SPEG: variants seen among roughly 807,000 people sequenced by gnomAD.
The protein encoded by SPEG is striated muscle enriched protein kinase.
In SPEG, 114 loss-of-function variants were observed where a neutral mutation model predicts 300.4. The observed-to-expected ratio is 0.38, with a 90% CI of 0.33 to 0.44. The LOEUF (loss-of-function observed/expected upper bound fraction) is 0.44. Ranked by LOEUF, SPEG falls within the 20% of genes least tolerant of loss-of-function variation. The pLI is 1.00. For synonymous variants in SPEG, 1,964 were observed against 2,018.9 expected (o/e 0.97, Z 0.73); for missense variants, 4,201 against 4,586.2 (o/e 0.92, Z 2.43).
chr2:219,473,245 C>G lies in SPEG; in HGVS notation c.4147+149C>G, dbSNP rs1219311364. On this transcript the variant is annotated intron_variant, in intron 16 of 40. Coordinates refer to ENST00000312358, the MANE Select transcript of SPEG (RefSeq NM_005876.5). This position sits in a 1 kb window ranked among gnomAD's most constrained non-coding sequence, Gnocchi z 4.6. ...GGACCTTGGCCCATCTGTACACTTC[C>G]TTCTCCCTCCTGAAAGCAGCAGGGC... The G allele has an allele frequency of 1.2e-6, 1 of 815,498 alleles. No homozygotes were observed. The highest frequency in any genetic ancestry group is 1.9e-6 in the Non-Finnish European group (1 of 525,128). The allele number at this position is 815,498 out of a possible 1,614,324, so 50.5% of individuals were successfully genotyped here. A position where few individuals can be genotyped will look rare whatever the true frequency, so the allele number is the denominator to read the frequency against.
chr2:219,482,092 A>G (rs3731908), intron 28 of SPEG: 149,283 of 231,330 alleles, frequency 0.65, 51,732 homozygotes, highest in East Asian at 0.77. Flanking sequence ...GCTTCATGTG[A>G]GCAGGTTCTC....
chr2:219,448,462 C>G lies in SPEG; in HGVS notation c.1304C>G (p.Ser435Cys). 1 of 1,501,638 alleles carries G rather than the reference C, an allele frequency of 6.7e-7. No individual in the cohort carries two copies. The highest frequency in any genetic ancestry group is 8.8e-7 in the Non-Finnish European group (1 of 1,134,714). 93.0% of individuals were successfully genotyped at this position (1,501,638 alleles called of 1,614,324 possible). A position where few individuals can be genotyped will look rare whatever the true frequency, so the allele number is the denominator to read the frequency against. The change falls in exon 4 of 41, where the codon TCT becomes TGT. Residue 435 changes from serine to cysteine, a missense_variant. By Grantham distance (112) the Ser-to-Cys change is moderately radical (BLOSUM62 -1). Transcript: ENST00000312358. ...TGGGTGCCCCTGCGCAAGGCCCGCT[C>G]TCTGGAGCAGCCCAAGTCGGAGCGC... is the stretch of plus-strand genomic sequence containing the variant. ...RPWVPLRKAR[S>C]LEQPKSERGA...
chr2:219,476,228 A>G (rs1472571101), intron 18 of SPEG, among the ~76,000 whole-genome samples: 1 of 82,500 alleles, frequency 1.2e-5, no homozygotes, highest in East Asian at 5.6e-4. Flanking sequence ...TTTGGTTAGT[A>G]TTTGGGGGTT....
At chr2:219,485,241 G>C in intron 30 of SPEG, 105 bp from the exon 31 acceptor site, 1 of 1,505,092 alleles carries the variant, frequency 6.6e-7, no homozygotes, top group South Asian at 1.3e-5. Flanking sequence ...CGGCAGGGCT[G>C]GGTGGGCTAG....
Position 219,480,246 on chromosome 2 carries a change from A to C in SPEG, c.5342+106A>C. 7.9e-7 allele frequency: 1 copy of C among 1,272,110 alleles called. No individual in the cohort carries two copies. Among genetic ancestry groups the C allele is most frequent in the Non-Finnish European group, 1.1e-6 (1 of 905,588 alleles). The allele number at this position is 1,272,110 out of a possible 1,614,324, so 78.8% of individuals were successfully genotyped here. On this transcript the variant is annotated intron_variant, in intron 25 of 40. Transcript: ENST00000312358. The surrounding 1 kb of genome is among the most constrained non-coding windows in gnomAD (Gnocchi z 5.3). Reference sequence around the variant, plus strand: ...ATTTACCGAGCCTGAATTCCTCCTGAAGGTGGGCTGGAGGCATTGTTTGCA... The same window carrying C: ...ATTTACCGAGCCTGAATTCCTCCTGCAGGTGGGCTGGAGGCATTGTTTGCA...
chr2:219,446,626 G>A (rs1249142434), intron 3 of SPEG, among the ~76,000 whole-genome samples: 7 of 152,184 alleles, frequency 4.6e-5, no homozygotes, highest in African/African-American at 1.7e-4. Flanking sequence ...AACTGCTCAT[G>A]GCTGGCACCC....
chr2:219,488,742 A>G (rs758486926), intron 33 of SPEG, 36 bp from the exon 34 acceptor site: 6 of 1,612,110 alleles, frequency 3.7e-6, no homozygotes, highest in East Asian at 4.5e-5. Flanking sequence ...TAGCTAGGGT[A>G]TAGGGGCTCA....
In SPEG at chr2:219,483,615, C is replaced by T; in HGVS notation, c.6152C>T (p.Thr2051Ile). Reference sequence around the variant, plus strand: ...CGCCGGAGCCCCAGCCCGGGAGCCACCCGCCTGGCCCGGGGAGGCCTGGGT... The same window carrying T: ...CGCCGGAGCCCCAGCCCGGGAGCCATCCGCCTGGCCCGGGGAGGCCTGGGT... ...PQRRSPSPGA[T>I]RLARGGLGEG... The change falls in exon 30 of 41, where the codon ACC becomes ATC. Residue 2051 changes from threonine (T) to isoleucine (I), a missense_variant. Thr to Ile is a moderately conservative substitution (Grantham distance 89). Around this residue, in one of 4 missense-constraint regions of SPEG, gnomAD observed 1,578 missense variants for 1,506.0 expected, o/e 1.05. Coordinates refer to ENST00000312358, the MANE Select transcript of SPEG (RefSeq NM_005876.5). 2 of 1,506,050 alleles carry T rather than the reference C, an allele frequency of 1.3e-6. No individual in the cohort carries two copies. The highest frequency in any genetic ancestry group is 1.8e-6 in the Non-Finnish European group (2 of 1,135,818). The allele number at this position is 1,506,050 out of a possible 1,614,324, so 93.3% of individuals were successfully genotyped here.
Position 219,481,647 on chromosome 2 carries a change from C to T in SPEG, c.5532C>T (p.Thr1844=), listed in dbSNP as rs528216747. 5.3e-5 allele frequency: 86 copies of T among 1,614,100 alleles called. No homozygotes were observed. The highest frequency in any genetic ancestry group is 1.2e-4 in the South Asian group (11 of 91,072). Residue 1844 remains threonine, a synonymous_variant, in exon 28 of 41, where the codon ACC becomes ACT. Transcript: ENST00000312358. The surrounding 1 kb of genome is among the most constrained non-coding windows in gnomAD (Gnocchi z 5.4). ...CCTCATTCATTCACAGGAGACCTACCGCAGAAGAGACCCTAGAACATCCTT... is the reference window on the plus strand; with the variant it reads ...CCTCATTCATTCACAGGAGACCTACTGCAGAAGAGACCCTAGAACATCCTT... The part of the protein sequence containing the change: ...KVLVQDRLRP[T]AEETLEHPWF...
Position 219,483,189 on chromosome 2 carries a change from C to G in SPEG, c.5726C>G (p.Pro1909Arg). The change falls in exon 30 of 41, where the codon CCC becomes CGC. Residue 1909 changes from proline to arginine, a missense_variant. Coordinates refer to ENST00000312358, the MANE Select transcript of SPEG (RefSeq NM_005876.5). ...CCAGAGCGGGTGTGGGTGACCATGC[C>G]CAGAAGGCCACCCCCCAGTGGGGGG... ...APPERVWVTM[P>R]RRPPPSGGLS... 1 of 1,609,812 alleles carries G rather than the reference C, an allele frequency of 6.2e-7. No individual in the cohort carries two copies. Among genetic ancestry groups the G allele is most frequent in the East Asian group, 2.2e-5 (1 of 44,782 alleles).
Position 219,480,827 on chromosome 2 carries a change from A to C in SPEG, c.5369+130A>C, listed in dbSNP as rs961981723. ...TTGCACTGCAAGGAGCCTCATGTGC[A>C]TGAAGGTGGACACCCCTGTCTGCAT... is the stretch of plus-strand genomic sequence containing the variant. On this transcript the variant is annotated intron_variant, in intron 26 of 40. Transcript: ENST00000312358. This position sits in a 1 kb window ranked among gnomAD's most constrained non-coding sequence, Gnocchi z 5.3. The C allele has an allele frequency of 1.1e-6, 1 of 873,932 alleles. No homozygotes were observed. Among genetic ancestry groups the C allele is most frequent in the African/African-American group, 1.6e-5 (1 of 60,678 alleles). 54.1% of individuals were successfully genotyped at this position (873,932 alleles called of 1,614,324 possible).
chr2:219,479,031 C>G lies in SPEG; in HGVS notation c.5028-113C>G. ...CGGAGAGGCAGTCTCTGGCTAGTAT[C>G]AAGCATTCTGTAAGGGGAAGGAGAA... On this transcript the variant is annotated intron_variant, in intron 22 of 40. Transcript: ENST00000312358. The surrounding 1 kb of genome is among the most constrained non-coding windows in gnomAD (Gnocchi z 5.5). The G allele has an allele frequency of 2.2e-6, 2 of 895,846 alleles. No individual in the cohort carries two copies. Among genetic ancestry groups the G allele is most frequent in the South Asian group, 2.8e-5 (2 of 71,316 alleles). 55.5% of individuals were successfully genotyped at this position (895,846 alleles called of 1,614,324 possible).
Position 219,445,905 on chromosome 2 carries a change from G to A in SPEG, c.815+744G>A, listed in dbSNP as rs1078166. 0.035 allele frequency among the ~76,000 whole-genome samples: 5,379 copies of A among 152,218 alleles called. 137 individuals are homozygous for A. Among genetic ancestry groups the A allele is most frequent in the Non-Finnish European group, 0.052 (3,556 of 67,994 alleles). ...GTTGTCCCAGGAGGGGGTGTGAGGA[G>A]CGGAGGTGTTGGAGGCACTGGAGCC... On this transcript the variant is annotated intron_variant, in intron 3 of 40. Transcript: ENST00000312358. This position sits in a 1 kb window ranked among gnomAD's most constrained non-coding sequence, Gnocchi z 6.1.
Position 219,445,505 on chromosome 2 carries a change from C to T in SPEG, c.815+344C>T, listed in dbSNP as rs910490999. On this transcript the variant is annotated intron_variant, in intron 3 of 40. Coordinates refer to ENST00000312358, the MANE Select transcript of SPEG (RefSeq NM_005876.5). This position sits in a 1 kb window ranked among gnomAD's most constrained non-coding sequence, Gnocchi z 6.1. ...CCAGTTGTCCCCAGGATCCCTCCCC[C>T]GACCCGGGGGCCCCCTTGGTGCCTG... 14 of 372,438 alleles carry T rather than the reference C, an allele frequency of 3.8e-5. No individual in the cohort carries two copies. Among genetic ancestry groups the T allele is most frequent in the Middle Eastern group, 7.7e-4 (1 of 1,296 alleles). The allele number at this position is 372,438 out of a possible 1,614,324, so 23.1% of individuals were successfully genotyped here.
chr2:219,472,458 G>C, intron 15 of SPEG, 127 bp downstream of exon 15: 1 of 810,586 alleles, frequency 1.2e-6, no homozygotes, highest in Non-Finnish European at 2.0e-6. Flanking sequence ...GAATGCTGGT[G>C]GGACCAGCTT....
At chr2:219,469,461 C>G in intron 13 of SPEG, 82 bp downstream of exon 13, 1 of 1,145,958 alleles carries the variant, frequency 8.7e-7, no homozygotes, top group South Asian at 1.4e-5. Context: ...CCCCAGCTCT[C>G]CCCAGGCCTT....
intron 1 of SPEG, among the ~76,000 whole-genome samples, chr2:219,440,362 T>G (rs35116888): frequency 0.35 from 53,216 of 151,794 alleles, 9,722 homozygotes; most frequent in South Asian, 0.43. Context: ...CACTCTAGCC[T>G]GGACAACAGA....
At chr2:219,465,514 G>A (rs1691186851) in intron 9 of SPEG, 1 of 158,564 alleles carries the variant, frequency 6.3e-6, no homozygotes, top group African/African-American at 2.4e-5. Context: ...TTTCTCTCCA[G>A]GGCCTGGCTC....
Position 219,444,202 on chromosome 2 carries a change from G to A in SPEG, c.389-451G>A. ...ACAGGCTGGCCCCGCGGTTGGTCGA[G>A]TGCCCTGGCAGTACGACTCTGAGGT... is the stretch of plus-strand genomic sequence containing the variant. On this transcript the variant is annotated intron_variant, in intron 1 of 40. Transcript: ENST00000312358. This position sits in a 1 kb window ranked among gnomAD's most constrained non-coding sequence, Gnocchi z 7.8. 10 of 526,040 alleles carry A rather than the reference G, an allele frequency of 1.9e-5. No individual in the cohort carries two copies. Among genetic ancestry groups the A allele is most frequent in the Non-Finnish European group, 3.2e-5 (9 of 285,252 alleles). 32.6% of individuals were successfully genotyped at this position (526,040 alleles called of 1,614,324 possible).
Sources: allele counts gnomAD v4.1 joint callset (sites outside exome capture counted in the v4.1 genomes callset), GRCh38; gene constraint gnomAD v4.1.1; regional missense constraint gnomAD v4.1.1; non-coding constraint Gnocchi (gnomAD v3.1); transcripts MANE v1.5; gene names NCBI Gene and HGNC (gene_info 2026-07-23, HGNC 2026-07-21).